Variants in HSD17B12 observed in about 807,000 individuals in gnomAD.
HSD17B12 encodes the protein very-long-chain 3-oxoacyl-CoA reductase.
In HSD17B12, 32 loss-of-function variants were observed where a neutral mutation model predicts 39.3. The observed-to-expected ratio is 0.81, with a 90% CI of 0.61 to 1.09. HSD17B12 has a LOEUF of 1.09. HSD17B12 is among the 50% of genes least tolerant of loss of function. HSD17B12 has a pLI of 0.00. For missense variants in HSD17B12, 342 were observed against 382.9 expected, an observed-to-expected ratio of 0.89 and a Z score of 0.89; for synonymous variants, 150 against 146.7, an observed-to-expected ratio of 1.02 and a Z score of -0.16.
the HSD17B12 span, among the ~76,000 whole-genome samples, chr11:43,590,506 ATTTTTTT>A: frequency 1.9e-5 from 1 of 51,610 alleles, no homozygotes; most frequent in Non-Finnish European, 3.6e-5. Context: ...GGAGTGAGTG[ATTTTTTT>A]TTTTTTTTTT....
chr11:43,718,007 G>GT (rs1950140376), intron 1 of HSD17B12, among the ~76,000 whole-genome samples: 3 of 152,100 alleles, frequency 2.0e-5, no homozygotes, highest in Admixed American at 2.0e-4. Context: ...ATTTCGCCAT[G>GT]TTGCTCAGGC....
chr11:43,800,014 G>A (rs983718302), intron 4 of HSD17B12, among the ~76,000 whole-genome samples: 3 of 152,154 alleles, frequency 2.0e-5, no homozygotes, highest in African/African-American at 7.2e-5. Flanking sequence ...GTGTTTGCAT[G>A]TTCTTAAATA....
chr11:43,851,403 G>A (rs1951529981), intron 9 of HSD17B12, among the ~76,000 whole-genome samples: 2 of 152,148 alleles, frequency 1.3e-5, no homozygotes, highest in African/African-American at 4.8e-5. Context: ...CCCTTGTTGG[G>A]TTTTTATTTA....
At chr11:43,705,988 T>C (rs1950011217) in intron 1 of HSD17B12, among the ~76,000 whole-genome samples, 1 of 151,994 alleles carries the variant, frequency 6.6e-6, no homozygotes, top group South Asian at 2.1e-4. Context: ...GTAGATTTCT[T>C]TATTTTTAAA....
intron 1 of HSD17B12, among the ~76,000 whole-genome samples, chr11:43,714,202 C>T (rs1950098529): frequency 6.6e-6 from 1 of 152,138 alleles, no homozygotes; most frequent in Non-Finnish European, 1.5e-5. Context: ...CTTGCCCATG[C>T]CTATGTCCTG....
At chr11:43,687,214 A>C (rs1178477618) in intron 1 of HSD17B12, among the ~76,000 whole-genome samples, 1 of 152,192 alleles carries the variant, frequency 6.6e-6, no homozygotes, top group Non-Finnish European at 1.5e-5. Flanking sequence ...GTAGCAATTC[A>C]TATGCATGTC....
chr11:43,849,183 T>G (rs1187525205), intron 9 of HSD17B12, among the ~76,000 whole-genome samples: 3 of 152,138 alleles, frequency 2.0e-5, no homozygotes, highest in South Asian at 4.1e-4. Flanking sequence ...TGTGCACCTG[T>G]GGTCCTTGAT....
chr11:43,568,034 C>T, the HSD17B12 span, among the ~76,000 whole-genome samples: 3 of 152,118 alleles, frequency 2.0e-5, no homozygotes, highest in African/African-American at 4.8e-5. Flanking sequence ...TGAGATTGCG[C>T]CATAAACTTC....
intron 1 of HSD17B12, chr11:43,734,563 A>G (rs1950299355): frequency 1.9e-6 from 1 of 530,762 alleles, no homozygotes. Context: ...CAGCTGCCCC[A>G]GTGAGGGCCC....
At chr11:43,725,852 C>G (rs189056860) in intron 1 of HSD17B12, among the ~76,000 whole-genome samples, 6 of 152,136 alleles carry the variant, frequency 3.9e-5, no homozygotes, top group African/African-American at 1.2e-4. Flanking sequence ...AAAGACACAA[C>G]AGAGGAACAG....
chr11:43,839,802 A>G (rs1339854278), intron 8 of HSD17B12, among the ~76,000 whole-genome samples, 197 bp from the exon 9 acceptor site: 1 of 152,192 alleles, frequency 6.6e-6, no homozygotes, highest in African/African-American at 2.4e-5. Flanking sequence ...TGGTAATATA[A>G]TACTTCATTT....
At chr11:43,658,741 C>T in the HSD17B12 span, among the ~76,000 whole-genome samples, 1 of 152,184 alleles carries the variant, frequency 6.6e-6, no homozygotes, top group Non-Finnish European at 1.5e-5. Flanking sequence ...GCTGCCTGAT[C>T]GTTCCTCTGG....
chr11:43,824,904 G>A (rs999183515), intron 6 of HSD17B12, among the ~76,000 whole-genome samples: 1 of 152,202 alleles, frequency 6.6e-6, no homozygotes, highest in Non-Finnish European at 1.5e-5. Context: ...GCTGAGGCAG[G>A]AGGATCACTT....
At chr11:43,593,267 T>G in the HSD17B12 span, among the ~76,000 whole-genome samples, 1 of 152,338 alleles carries the variant, frequency 6.6e-6, no homozygotes, top group South Asian at 2.1e-4. Flanking sequence ...TTAGAAGATA[T>G]GATTTCCTCC....
the HSD17B12 span, among the ~76,000 whole-genome samples, chr11:43,620,930 A>G: frequency 6.6e-6 from 1 of 152,236 alleles, no homozygotes; most frequent in African/African-American, 2.4e-5. Context: ...CTTGTAGGGT[A>G]TAAGAGGATC....
At chr11:43,687,836 C>T (rs10838152) in intron 1 of HSD17B12, among the ~76,000 whole-genome samples, 56,071 of 152,128 alleles carry the variant, frequency 0.37, 11,759 homozygotes, top group East Asian at 0.72. Context: ...GAGTTATTGC[C>T]GGCCCTCTTT....
At chr11:43,609,435 G>A in the HSD17B12 span, among the ~76,000 whole-genome samples, 2 of 151,346 alleles carry the variant, frequency 1.3e-5, no homozygotes, top group Non-Finnish European at 2.9e-5. Flanking sequence ...GTGCAGTCAT[G>A]GTTCACTGCA....
At chr11:43,807,573 A>G (rs1160737713) in intron 4 of HSD17B12, among the ~76,000 whole-genome samples, 1 of 152,216 alleles carries the variant, frequency 6.6e-6, no homozygotes, top group African/African-American at 2.4e-5. Flanking sequence ...TACAATGGGA[A>G]ACCATTTTAG....
chr11:43,799,569 C>T (rs1950946502), intron 4 of HSD17B12, among the ~76,000 whole-genome samples: 1 of 151,294 alleles, frequency 6.6e-6, no homozygotes, highest in Non-Finnish European at 1.5e-5. Context: ...TAGAAAGAAA[C>T]AGGGCATCTA....
Sources: allele counts gnomAD v4.1 joint callset (sites outside exome capture counted in the v4.1 genomes callset), GRCh38; gene constraint gnomAD v4.1.1; transcripts MANE v1.5; gene names NCBI Gene and HGNC (gene_info 2026-07-23, HGNC 2026-07-21).